RGS22: variants seen among roughly 807,000 people sequenced by gnomAD.
RGS22 encodes the protein regulator of G-protein signaling 22.
RGS22 carries 148 observed loss-of-function variants against 172.9 expected under a neutral mutation model. The observed-to-expected ratio is 0.86, with a 90% CI of 0.75 to 0.98. The LOEUF is 0.98. Ranked by LOEUF, RGS22 falls within the 50% of genes least tolerant of loss-of-function variation. The probability of loss-of-function intolerance (pLI) is 0.00; values close to 1 mark genes in which losing one functional copy is unlikely to be tolerated. For synonymous variants in RGS22, 458 were observed against 480.2 expected (o/e 0.95, Z 0.60); for missense variants, 1,347 against 1,440.8 (o/e 0.93, Z 1.05).
intron 23 of RGS22, among the ~76,000 whole-genome samples, chr8:99,968,981 A>AAC (rs1453588784): frequency 6.6e-6 from 1 of 152,156 alleles, no homozygotes; most frequent in African/African-American, 2.4e-5. Flanking sequence ...AGCCAGAGAC[A>AAC]ACCCTTTATA....
At chr8:100,042,006 C>A in intron 11 of RGS22, 90 bp from the exon 12 acceptor site, 1 of 698,960 alleles carries the variant, frequency 1.4e-6, no homozygotes, top group Non-Finnish European at 2.5e-6. Flanking sequence ...TACATAGCAC[C>A]GAATCTCAAG....
chr8:100,002,429 C>T (rs1221337749), intron 17 of RGS22, 65 bp from the exon 18 acceptor site: 2 of 1,474,176 alleles, frequency 1.4e-6, no homozygotes, highest in East Asian at 2.4e-5. Flanking sequence ...TAGTAAACAC[C>T]CGATTGTTGT....
intron 10 of RGS22, among the ~76,000 whole-genome samples, chr8:100,050,200 C>T (rs1163710607): frequency 6.6e-6 from 1 of 152,172 alleles, no homozygotes. Flanking sequence ...AGCTTGAGAA[C>T]CACCAGTCTA....
At chr8:100,003,038 G>C (rs974063268) in intron 17 of RGS22, 1 of 159,772 alleles carries the variant, frequency 6.3e-6, no homozygotes, top group Non-Finnish European at 1.4e-5. Flanking sequence ...CTGGGCGACA[G>C]AGTGAGACCT....
intron 21 of RGS22, among the ~76,000 whole-genome samples, chr8:99,982,677 CT>C (rs1812675019): frequency 6.6e-6 from 1 of 152,156 alleles, no homozygotes; most frequent in Admixed American, 6.5e-5. Flanking sequence ...CAAAAAGGTA[CT>C]GGGCATGCTG....
intron 14 of RGS22, among the ~76,000 whole-genome samples, chr8:100,019,303 T>C (rs527564481): frequency 1.8e-4 from 28 of 152,382 alleles, no homozygotes; most frequent in African/African-American, 6.7e-4. Context: ...TGTGTTGATT[T>C]GTTATGTTAC....
At chr8:100,055,103 A>C (rs1025749054) in intron 9 of RGS22, among the ~76,000 whole-genome samples, 1 of 152,208 alleles carries the variant, frequency 6.6e-6, no homozygotes, top group Admixed American at 6.5e-5. Context: ...GGAAGGACAC[A>C]AGCCTGGCTG....
chr8:99,971,655 A>C (rs1244293265), intron 23 of RGS22, among the ~76,000 whole-genome samples: 3 of 152,180 alleles, frequency 2.0e-5, no homozygotes, highest in Non-Finnish European at 2.9e-5. Context: ...AATACCTAGG[A>C]ATACAACTTA....
chr8:100,041,543 C>T (rs1283626859), intron 12 of RGS22, among the ~76,000 whole-genome samples: 2 of 151,402 alleles, frequency 1.3e-5, no homozygotes. Flanking sequence ...TACTATTTTT[C>T]TTTCAAGTGT....
chr8:100,055,003 T>TA (rs1273209522), intron 9 of RGS22, among the ~76,000 whole-genome samples: 4 of 152,144 alleles, frequency 2.6e-5, no homozygotes, highest in Non-Finnish European at 5.9e-5. Flanking sequence ...GAACACCAGG[T>TA]AGACTTCTAA....
intron 18 of RGS22, among the ~76,000 whole-genome samples, chr8:100,000,313 C>T (rs1814896252): frequency 6.6e-6 from 1 of 151,948 alleles, no homozygotes; most frequent in African/African-American, 2.4e-5. Context: ...AAAAGGAAAT[C>T]CTCTTCTTAG....
At chr8:100,018,289 G>A (rs533694488) in intron 14 of RGS22, among the ~76,000 whole-genome samples, 1 of 151,280 alleles carries the variant, frequency 6.6e-6, no homozygotes, top group African/African-American at 2.4e-5. Flanking sequence ...TAATTTTCTA[G>A]CCTAACTGAA....
chr8:100,043,668 T>C (rs1820393495), intron 11 of RGS22, among the ~76,000 whole-genome samples: 1 of 151,982 alleles, frequency 6.6e-6, no homozygotes, highest in Middle Eastern at 3.4e-3. Context: ...CCCAGCTGCT[T>C]GGGCGGCTGA....
Position 100,102,457 on chromosome 8 carries a change from C to T in RGS22, c.54+2917G>A, listed in dbSNP as rs144240025. ...ACGTAATTTATTAATGAAAACAATA[C>T]TTTCACACTTTTGAAAAACAGGGGT... On this transcript the variant is annotated intron_variant, in intron 2 of 27. Transcript: ENST00000360863. Among the ~76,000 whole-genome samples the T allele has an allele frequency of 5.1e-3, 773 of 152,312 alleles. 6 individuals are homozygous for T. Among genetic ancestry groups the T allele is most frequent in the African/African-American group, 0.018 (743 of 41,566 alleles).
chr8:100,095,366 T>A (rs1266788400), intron 2 of RGS22, among the ~76,000 whole-genome samples: 1 of 152,112 alleles, frequency 6.6e-6, no homozygotes, highest in African/African-American at 2.4e-5. Context: ...GTATTTTTTG[T>A]AGAGACAATG....
chr8:100,037,153 T>C (rs530848189), intron 14 of RGS22, among the ~76,000 whole-genome samples: 3 of 152,078 alleles, frequency 2.0e-5, no homozygotes, highest in South Asian at 2.1e-4. Flanking sequence ...AAAAATAAAG[T>C]TGGGCATGGT....
At chr8:100,033,539 C>CAA (rs71572052) in intron 14 of RGS22, among the ~76,000 whole-genome samples, 399 of 138,938 alleles carry the variant, frequency 2.9e-3, no homozygotes, top group Middle Eastern at 7.6e-3. Context: ...GCCTACCAAC[C>CAA]AAAAAAAAAA....
At chr8:100,064,328 C>A (rs1186074511) in intron 7 of RGS22, among the ~76,000 whole-genome samples, 1 of 151,944 alleles carries the variant, frequency 6.6e-6, no homozygotes, top group Admixed American at 6.6e-5. Context: ...ATTAGCCAGG[C>A]TTGGTGGCAC....
chr8:100,072,202 C>T lies in RGS22; in HGVS notation c.368G>A (p.Trp123Ter), dbSNP rs745832841. ...MCLSREEGIK[W>*]IKKERLPAFL... ...TGCTGGAAGTCTTTCTTTTTTGATC[C>T]ACTTAATACCTTCTTCACGACTGAG... is the stretch of plus-strand genomic sequence containing the variant. The change falls in exon 5 of 28, where the codon TGG (tryptophan) becomes TAG (stop). Residue 123 changes from tryptophan (W) to a stop codon, truncating the protein, a stop_gained. Transcript: ENST00000360863. LOFTEE classifies it high-confidence loss of function. 1 of 1,598,924 alleles carries T rather than the reference C, an allele frequency of 6.3e-7. No homozygotes were observed.
Sources: allele counts gnomAD v4.1 joint callset (sites outside exome capture counted in the v4.1 genomes callset), GRCh38; gene constraint gnomAD v4.1.1; transcripts MANE v1.5; gene names NCBI Gene and HGNC (gene_info 2026-07-23, HGNC 2026-07-21).